RBIS: variants seen among roughly 807,000 people sequenced by gnomAD.
The protein encoded by RBIS is ribosomal biogenesis factor.
A neutral mutation model predicts 9.8 loss-of-function variants in RBIS; 9 were observed. The ratio of observed to expected loss-of-function variants is 0.92; its 90% confidence interval spans 0.56 to 1.61. RBIS has a LOEUF of 1.61. Ranked by LOEUF, RBIS falls within the 40% of genes most tolerant of loss-of-function variation. The pLI, the probability that RBIS is intolerant of heterozygous loss-of-function variation, is 0.00. For synonymous variants in RBIS, 35 were observed against 37.9 expected (o/e 0.92, Z 0.28); for missense variants, 103 against 116.0 (o/e 0.89, Z 0.51).
Position 85,214,908 on chromosome 8 carries a change from G to T in RBIS, c.231+13C>A, listed in dbSNP as rs373760171. On this transcript the variant is annotated intron_variant, in intron 3 of 3. Coordinates refer to ENST00000619594, the MANE Select transcript of RBIS (RefSeq NM_001099673.3). Reference sequence around the variant, plus strand: ...TTGTTAGCCATAAAAAAAAGCAAATGATTTCTGCTTACCAGTTCTTTCTGC... The same window carrying T: ...TTGTTAGCCATAAAAAAAAGCAAATTATTTCTGCTTACCAGTTCTTTCTGC... The T allele has an allele frequency of 3.6e-6, 5 of 1,400,000 alleles. No homozygotes were observed. The highest frequency in any genetic ancestry group is 4.6e-5 in the East Asian group (2 of 43,672). The allele number at this position is 1,400,000 out of a possible 1,614,324, so 86.7% of individuals were successfully genotyped here.
At chr8:85,214,680 C>G in intron 3 of RBIS, 49 bp from the exon 4 acceptor site, 1 of 1,134,310 alleles carries the variant, frequency 8.8e-7, no homozygotes. Flanking sequence ...CAATAGCAGA[C>G]AAATGACTTA....
intron 1 of RBIS, chr8:85,218,778 G>C (rs1328040862): frequency 2.0e-5 from 3 of 152,214 alleles, no homozygotes; most frequent in African/African-American, 7.2e-5. Context: ...GTTGCAGTGA[G>C]CCAAGATTGC....
intron 2 of RBIS, 161 bp downstream of exon 2, chr8:85,217,225 C>CT (rs557468768): frequency 2.2e-4 from 141 of 653,778 alleles, no homozygotes; most frequent in Admixed American, 6.1e-4. Context: ...ATTTTTCTTC[C>CT]TTTTTTTTTA....
intron 1 of RBIS, among the ~76,000 whole-genome samples, chr8:85,219,728 C>G (rs1451755571): frequency 6.6e-6 from 1 of 151,992 alleles, no homozygotes; most frequent in Non-Finnish European, 1.5e-5. Context: ...GACTGAGACT[C>G]AGTCTCAAAA....
chr8:85,214,176 CA>C lies in RBIS; in HGVS notation c.*383del. 1.9e-6 allele frequency: 1 copy of C among 535,464 alleles called. No individual in the cohort carries two copies. Among genetic ancestry groups the C allele is most frequent in the Non-Finnish European group, 3.6e-6 (1 of 279,924 alleles). The allele number at this position is 535,464 out of a possible 1,614,324, so 33.2% of individuals were successfully genotyped here. The stretch of plus-strand genomic sequence containing the variant: ...CTTCTTAAGGAGGAAAGTTAAAGGA[CA>C]CTACAGGTCATCAAAAACAAGTTGG... On this transcript the variant is annotated 3_prime_UTR_variant, in exon 4 of 4. Coordinates refer to ENST00000619594, the MANE Select transcript of RBIS (RefSeq NM_001099673.3).
chr8:85,214,549 T>C lies in RBIS; in HGVS notation c.*11A>G. On this transcript the variant is annotated 3_prime_UTR_variant, in exon 4 of 4. Transcript: ENST00000619594. ...TGGTCTTTGTGGAGAATTAGATGCA[T>C]CACCAGTATATTACAACAGAGCCAT... The C allele has an allele frequency of 1.3e-6, 2 of 1,495,412 alleles. No individual in the cohort carries two copies. Among genetic ancestry groups the C allele is most frequent in the Non-Finnish European group, 1.9e-6 (2 of 1,078,048 alleles). 92.6% of individuals were successfully genotyped at this position (1,495,412 alleles called of 1,614,324 possible). A position where few individuals can be genotyped will look rare whatever the true frequency, so the allele number is the denominator to read the frequency against.
At position 85,215,047 on chromosome 8, in the gene RBIS, A is replaced by G. The variant is rs1188739611; in HGVS notation, c.115-10T>C. ...CATTCATAATGTTTATCTTTTAAAA[A>G]GAAAAAAAGCATTAATCTATGATCT... On this transcript the variant is annotated splice_polypyrimidine_tract_variant and intron_variant, in intron 2 of 3. Coordinates refer to ENST00000619594, the MANE Select transcript of RBIS (RefSeq NM_001099673.3). 8.8e-7 allele frequency: 1 copy of G among 1,138,088 alleles called. No homozygotes were observed. The highest frequency in any genetic ancestry group is 2.5e-5 in the East Asian group (1 of 40,216). 70.5% of individuals were successfully genotyped at this position (1,138,088 alleles called of 1,614,324 possible).
At chr8:85,217,086 G>C in intron 2 of RBIS, 2 of 540,592 alleles carry the variant, frequency 3.7e-6, no homozygotes, top group Middle Eastern at 4.8e-4. Context: ...TTAGAGATAA[G>C]AACTGTTTCC....
intron 1 of RBIS, among the ~76,000 whole-genome samples, chr8:85,218,406 A>G (rs1173069294): frequency 2.0e-5 from 3 of 152,064 alleles, no homozygotes; most frequent in Non-Finnish European, 4.4e-5. Flanking sequence ...ATTACACTTC[A>G]TGTATAAATA....
intron 1 of RBIS, among the ~76,000 whole-genome samples, chr8:85,219,948 T>C (rs7835001): frequency 6.6e-6 from 1 of 152,056 alleles, no homozygotes; most frequent in African/African-American, 2.4e-5. Flanking sequence ...ACCTATAATA[T>C]ACACATGGAC....
At position 85,214,179 on chromosome 8, in the gene RBIS, T is replaced by C. The variant is rs989776950; in HGVS notation, c.*381A>G. On this transcript the variant is annotated 3_prime_UTR_variant, in exon 4 of 4. Coordinates refer to ENST00000619594, the MANE Select transcript of RBIS (RefSeq NM_001099673.3). ...CTTAAGGAGGAAAGTTAAAGGACACTACAGGTCATCAAAAACAAGTTGGCC... is the reference window on the plus strand; with the variant it reads ...CTTAAGGAGGAAAGTTAAAGGACACCACAGGTCATCAAAAACAAGTTGGCC... 6.3e-5 allele frequency: 34 copies of C among 536,542 alleles called. No homozygotes were observed. The highest frequency in any genetic ancestry group is 1.1e-4 in the Non-Finnish European group (31 of 280,642). 33.2% of individuals were successfully genotyped at this position (536,542 alleles called of 1,614,324 possible). A position where few individuals can be genotyped will look rare whatever the true frequency, so the allele number is the denominator to read the frequency against.
chr8:85,220,361 C>G lies in RBIS; in HGVS notation c.-59G>C, dbSNP rs1813326812. 6.6e-6 allele frequency: 1 copy of G among 152,286 alleles called. No homozygotes were observed. Among genetic ancestry groups the G allele is most frequent in the Admixed American group, 6.5e-5 (1 of 15,292 alleles). 9.4% of individuals were successfully genotyped at this position (152,286 alleles called of 1,614,324 possible). ...AAGCTCCAGGTAACACCATCTGGCA[C>G]GTACGGCGTCTAGGAAGTTCCGGGG... is the stretch of plus-strand genomic sequence containing the variant. On this transcript the variant is annotated 5_prime_UTR_variant, in exon 1 of 4. Transcript: ENST00000619594.
At chr8:85,217,848 T>G in intron 1 of RBIS, 1 of 209,226 alleles carries the variant, frequency 4.8e-6, no homozygotes. Context: ...TACTATGCTA[T>G]TCTGGTTCCT....
At chr8:85,219,161 C>G (rs1336629154) in intron 1 of RBIS, 1 of 152,260 alleles carries the variant, frequency 6.6e-6, no homozygotes, top group Admixed American at 6.5e-5. Context: ...TGTTACGTCC[C>G]TATAAACACT....
At chr8:85,214,653 T>C (rs1487836411) in intron 3 of RBIS, 22 bp from the exon 4 acceptor site, 1 of 1,425,482 alleles carries the variant, frequency 7.0e-7, no homozygotes, top group South Asian at 1.2e-5. Flanking sequence ...AAGTATTATA[T>C]TTAAAAACAC....
In RBIS at chr8:85,217,466, T is replaced by C. The variant is rs769054317; in HGVS notation, c.34A>G (p.Arg12Gly). The change falls in exon 2 of 4, where the codon AGG (arginine) becomes GGG (glycine). Residue 12 changes from arginine (R) to glycine (G), a missense_variant. By Grantham distance (125) the Arg-to-Gly change is moderately radical (BLOSUM62 -2). Coordinates refer to ENST00000619594, the MANE Select transcript of RBIS (RefSeq NM_001099673.3). ...AKNKLRGPKSRNVFHIASQKN... is the reference protein window; with the variant it reads ...AKNKLRGPKSGNVFHIASQKN... ...TGGCTGGCTATGTGAAATACATTCC[T>C]GGACTTCGGCCCTCTTAATTTGTTC... 10 of 1,612,260 alleles carry C rather than the reference T, an allele frequency of 6.2e-6. No homozygotes were observed. The South Asian group carries it at 9.9e-5, about 16-fold the overall frequency.
Position 85,217,434 on chromosome 8 carries a change from G to GT in RBIS, c.65dup (p.Asn22LysfsTer3), listed in dbSNP as rs752886571. The GT allele has an allele frequency of 5.6e-6, 9 of 1,612,662 alleles. No homozygotes were observed. In the East Asian group the frequency reaches 1.3e-4, roughly 24 times the overall value. On this transcript the variant is annotated frameshift_variant, in exon 2 of 4. Transcript: ENST00000619594. LOFTEE classifies it high-confidence loss of function. ...GTTTTGCTTTGTTTTTAGCCTTAAAGTTTTTTTGGCTGGCTATGTGAAATA... is the reference window on the plus strand; with the variant it reads ...GTTTTGCTTTGTTTTTAGCCTTAAAGTTTTTTTTGGCTGGCTATGTGAAATA...
chr8:85,219,659 G>A (rs1468904948), intron 1 of RBIS, among the ~76,000 whole-genome samples: 1 of 152,002 alleles, frequency 6.6e-6, no homozygotes, highest in Non-Finnish European at 1.5e-5. Context: ...GCTGAGACAC[G>A]AGGAGGCGGA....
At chr8:85,216,079 G>A (rs942158177) in intron 2 of RBIS, 3 of 152,216 alleles carry the variant, frequency 2.0e-5, no homozygotes, top group Admixed American at 6.5e-5. Context: ...CCGTATGAGA[G>A]TGAGAGTAAG....
Sources: allele counts gnomAD v4.1 joint callset (sites outside exome capture counted in the v4.1 genomes callset), GRCh38; gene constraint gnomAD v4.1.1; transcripts MANE v1.5; gene names NCBI Gene and HGNC (gene_info 2026-07-23, HGNC 2026-07-21).